The following SEC23A variants were observed in gnomAD, a reference collection of about 807,000 sequenced individuals.
SEC23A encodes the protein protein transport protein Sec23A.
Under a neutral mutation model 103.7 loss-of-function variants are expected in SEC23A, and 56 were observed. The observed-to-expected ratio is 0.54, with a 90% CI of 0.44 to 0.67. SEC23A has a LOEUF of 0.67. Ranked by LOEUF, SEC23A falls within the 30% of genes least tolerant of loss-of-function variation. The pLI is 0.00. For synonymous variants in SEC23A, 281 were observed against 293.0 expected, an observed-to-expected ratio of 0.96 and a Z score of 0.42; for missense variants, 784 against 936.4, an observed-to-expected ratio of 0.84 and a Z score of 2.12.
At chr14:39,053,051 C>T (rs1204704480) in intron 14 of SEC23A, among the ~76,000 whole-genome samples, 1 of 152,176 alleles carries the variant, frequency 6.6e-6, no homozygotes, top group African/African-American at 2.4e-5. Context: ...AGGAGAATCA[C>T]GTGAACCCAG....
chr14:39,094,630 G>GATT (rs923764933), intron 2 of SEC23A, among the ~76,000 whole-genome samples: 1 of 151,758 alleles, frequency 6.6e-6, no homozygotes, highest in Non-Finnish European at 1.5e-5. Context: ...ATGTGTTTAA[G>GATT]AGGGCTGCTT....
intron 1 of SEC23A, among the ~76,000 whole-genome samples, chr14:39,096,448 T>C (rs1887895804): frequency 6.6e-6 from 1 of 151,842 alleles, no homozygotes; most frequent in Non-Finnish European, 1.5e-5. Flanking sequence ...GAGAATCTCT[T>C]GAACCCTGGA....
At chr14:39,096,573 GA>G (rs1887901049) in intron 1 of SEC23A, among the ~76,000 whole-genome samples, 1 of 150,372 alleles carries the variant, frequency 6.7e-6, no homozygotes, top group Non-Finnish European at 1.5e-5. Context: ...ATTTATCTCA[GA>G]AAAAAATTAG....
At chr14:39,081,170 G>A (rs1887212835) in intron 7 of SEC23A, among the ~76,000 whole-genome samples, 1 of 150,270 alleles carries the variant, frequency 6.7e-6, no homozygotes, top group South Asian at 2.1e-4. Context: ...CTATGATCAC[G>A]TACTGCACTC....
At chr14:39,062,838 GATTA>G (rs1432497421) in intron 12 of SEC23A, among the ~76,000 whole-genome samples, 2 of 151,976 alleles carry the variant, frequency 1.3e-5, no homozygotes, top group Non-Finnish European at 2.9e-5. Flanking sequence ...TCTTCAATGT[GATTA>G]ATTATCTCCT....
intron 4 of SEC23A, 37 bp from the exon 5 acceptor site, chr14:39,091,750 T>G (rs533879817): frequency 1.1e-4 from 147 of 1,377,628 alleles, no homozygotes; most frequent in Non-Finnish European, 1.4e-4. Flanking sequence ...AAATATGTAG[T>G]TTAAAGCACA....
At chr14:39,086,419 A>T (rs1042133353) in intron 6 of SEC23A, among the ~76,000 whole-genome samples, 1 of 152,122 alleles carries the variant, frequency 6.6e-6, no homozygotes, top group African/African-American at 2.4e-5. Flanking sequence ...AGGGAGGATC[A>T]TAAAGTCAGG....
At chr14:39,063,127 T>A (rs1886534958) in intron 12 of SEC23A, among the ~76,000 whole-genome samples, 197 bp downstream of exon 12, 1 of 152,178 alleles carries the variant, frequency 6.6e-6, no homozygotes, top group Non-Finnish European at 1.5e-5. Flanking sequence ...TTCCCTGCAT[T>A]TCTATTACAA....
Position 39,032,995 on chromosome 14 carries a change from A to C in SEC23A, c.*244T>G, listed in dbSNP as rs1885349506. ...TTTATTAAACATAATTAAGTTATAAAGACTTCAAATTTCTAGAACCAGCTA... is the reference window on the plus strand; with the variant it reads ...TTTATTAAACATAATTAAGTTATAACGACTTCAAATTTCTAGAACCAGCTA... On this transcript the variant is annotated 3_prime_UTR_variant, in exon 20 of 20. Transcript: ENST00000307712. 1 of 478,330 alleles carries C rather than the reference A, an allele frequency of 2.1e-6. No homozygotes were observed. Among genetic ancestry groups the C allele is most frequent in the South Asian group, 2.7e-5 (1 of 36,722 alleles). 29.6% of individuals were successfully genotyped at this position (478,330 alleles called of 1,614,324 possible).
At chr14:39,074,785 A>G (rs771682902) in intron 8 of SEC23A, among the ~76,000 whole-genome samples, 3 of 152,326 alleles carry the variant, frequency 2.0e-5, no homozygotes, top group African/African-American at 4.8e-5. Flanking sequence ...GTCCTATTGC[A>G]TATCTTGTTC....
At chr14:39,092,895 G>C (rs1887709343) in intron 3 of SEC23A, 1 of 495,648 alleles carries the variant, frequency 2.0e-6, no homozygotes, top group African/African-American at 2.0e-5. Context: ...ACGGAGTCTT[G>C]CTCTGTTGCC....
chr14:39,069,985 T>C (rs1886791834), intron 9 of SEC23A, among the ~76,000 whole-genome samples: 1 of 152,232 alleles, frequency 6.6e-6, no homozygotes, highest in Non-Finnish European at 1.5e-5. Flanking sequence ...ACCATACTTA[T>C]CCTATCTCCT....
Position 39,033,037 on chromosome 14 carries a change from AAAAT to A in SEC23A, c.*198_*201del. ...AACCAGCTATAACACTGTGGTAAGC[AAAAT>A]AAATTTGTTCTTATTGCTCTCATTA... On this transcript the variant is annotated 3_prime_UTR_variant, in exon 20 of 20. Transcript: ENST00000307712. The A allele has an allele frequency of 1.7e-6, 1 of 580,550 alleles. No homozygotes were observed. The highest frequency in any genetic ancestry group is 3.1e-6 in the Non-Finnish European group (1 of 320,428). 36.0% of individuals were successfully genotyped at this position (580,550 alleles called of 1,614,324 possible). A position where few individuals can be genotyped will look rare whatever the true frequency, so the allele number is the denominator to read the frequency against.
chr14:39,076,871 G>T (rs1320071173), intron 7 of SEC23A, among the ~76,000 whole-genome samples: 1 of 150,658 alleles, frequency 6.6e-6, no homozygotes, highest in East Asian at 2.0e-4. Flanking sequence ...AGGTCGCAGT[G>T]AGCCAAGATC....
At chr14:39,094,438 A>T (rs1448251542) in intron 2 of SEC23A, among the ~76,000 whole-genome samples, 9 of 15,666 alleles carry the variant, frequency 5.7e-4, no homozygotes, top group East Asian at 4.4e-3. Context: ...ATATATATAT[A>T]TATATTTTTT....
At chr14:39,089,653 C>A (rs1198008601) in intron 5 of SEC23A, among the ~76,000 whole-genome samples, 1 of 152,134 alleles carries the variant, frequency 6.6e-6, no homozygotes, top group Non-Finnish European at 1.5e-5. Flanking sequence ...CTTCAACAAA[C>A]CTCTTAAAAG....
intron 7 of SEC23A, among the ~76,000 whole-genome samples, chr14:39,076,955 A>G (rs1887049999): frequency 7.1e-6 from 1 of 140,838 alleles, no homozygotes; most frequent in Non-Finnish European, 1.5e-5. Flanking sequence ...GGCTGGACGC[A>G]GTGGCTGACG....
intron 14 of SEC23A, 116 bp downstream of exon 14, chr14:39,055,027 T>C: frequency 8.4e-7 from 1 of 1,193,514 alleles, no homozygotes; most frequent in Non-Finnish European, 1.2e-6. Context: ...GAATAGGAGT[T>C]TCTCATACAG....
At chr14:39,086,203 C>T (rs1887439037) in intron 6 of SEC23A, among the ~76,000 whole-genome samples, 1 of 152,194 alleles carries the variant, frequency 6.6e-6, no homozygotes, top group Admixed American at 6.5e-5. Flanking sequence ...ATTTTGAATA[C>T]AACCACAATA....
Sources: allele counts gnomAD v4.1 joint callset (sites outside exome capture counted in the v4.1 genomes callset), GRCh38; gene constraint gnomAD v4.1.1; transcripts MANE v1.5; gene names NCBI Gene and HGNC (gene_info 2026-07-23, HGNC 2026-07-21).